Variants in NPY observed in about 807,000 individuals in gnomAD.
The protein encoded by NPY is pro-neuropeptide Y.
Under a neutral mutation model 13.2 loss-of-function variants are expected in NPY, and 11 were observed. That is an observed-to-expected ratio of 0.83 (90% CI 0.52 to 1.38). NPY has a LOEUF of 1.38. NPY is among the 40% of genes most tolerant of loss of function. NPY has a pLI of 0.00. For synonymous variants in NPY, 51 were observed against 55.6 expected (o/e 0.92, Z 0.37); for missense variants, 109 against 125.1 (o/e 0.87, Z 0.61).
chr7:24,284,680 G>A (rs1787287923), intron 1 of NPY, among the ~76,000 whole-genome samples: 4 of 152,102 alleles, frequency 2.6e-5, no homozygotes, highest in African/African-American at 9.7e-5. Context: ...AATCCCTGGA[G>A]CTCTAGAGCC....
chr7:24,287,346 C>T (rs1017600527), intron 2 of NPY, among the ~76,000 whole-genome samples: 3 of 152,164 alleles, frequency 2.0e-5, no homozygotes, highest in Non-Finnish European at 4.4e-5. Context: ...CCACCACAGA[C>T]ACCCACTCCT....
In NPY at chr7:24,285,461, G is replaced by A; in HGVS notation, c.188+33G>A. ...GGACCGCGGGACCGATTCCGGGAGC[G>A]CCAGTGCCTGCACACCAGGAGATCC... is the stretch of plus-strand genomic sequence containing the variant. On this transcript the variant is annotated intron_variant, in intron 2 of 3. Coordinates refer to ENST00000242152, the MANE Select transcript of NPY (RefSeq NM_000905.4). This position sits in a 1 kb window ranked among gnomAD's most constrained non-coding sequence, Gnocchi z 4.9. The A allele has an allele frequency of 1.9e-6, 3 of 1,593,678 alleles. No homozygotes were observed. The highest frequency in any genetic ancestry group is 2.2e-5 in the South Asian group (2 of 89,380).
At chr7:24,287,268 C>T (rs1272790000) in intron 2 of NPY, among the ~76,000 whole-genome samples, 2 of 152,124 alleles carry the variant, frequency 1.3e-5, no homozygotes, top group South Asian at 2.1e-4. Flanking sequence ...AGTTTCCTGT[C>T]TCATCTTTGT....
chr7:24,285,268 TC>T lies in NPY; in HGVS notation c.30del (p.Gly11AspfsTer2). MLGNKRLGLSGLTLALSLLV... is the reference protein window; with the variant it reads MLGNKRLGLXGLTLALSLLV... ...GCTAGGTAACAAGCGACTGGGGCTG[TC>T]CGGACTGACCCTCGCCCTGTCCCTG... is the stretch of plus-strand genomic sequence containing the variant. On this transcript the variant is annotated frameshift_variant, in exon 2 of 4. Coordinates refer to ENST00000242152, the MANE Select transcript of NPY (RefSeq NM_000905.4). LOFTEE classifies it high-confidence loss of function. This position sits in a 1 kb window ranked among gnomAD's most constrained non-coding sequence, Gnocchi z 4.9. The T allele has an allele frequency of 6.2e-7, 1 of 1,614,084 alleles. No homozygotes were observed. Among genetic ancestry groups the T allele is most frequent in the Non-Finnish European group, 8.5e-7 (1 of 1,179,978 alleles).
chr7:24,288,618 A>C (rs182872412), intron 2 of NPY, among the ~76,000 whole-genome samples: 3 of 150,036 alleles, frequency 2.0e-5, no homozygotes, highest in Admixed American at 1.4e-4. Context: ...AGTGGGGAGC[A>C]TATACTACCC....
intron 1 of NPY, among the ~76,000 whole-genome samples, chr7:24,284,560 C>A (rs959039996): frequency 6.6e-6 from 1 of 152,230 alleles, no homozygotes; most frequent in African/African-American, 2.4e-5. Flanking sequence ...GAGGGAGAAC[C>A]CGGGACCGCT....
At chr7:24,290,539 C>T (rs1362590531) in intron 3 of NPY, among the ~76,000 whole-genome samples, 1 of 151,988 alleles carries the variant, frequency 6.6e-6, no homozygotes, top group African/African-American at 2.4e-5. Flanking sequence ...GCTGGGCCAC[C>T]CACCTTCCCT....
intron 3 of NPY, among the ~76,000 whole-genome samples, chr7:24,291,380 T>C (rs940317668): frequency 2.0e-5 from 3 of 152,232 alleles, no homozygotes; most frequent in Non-Finnish European, 2.9e-5. Context: ...GATCGGGGTG[T>C]TCTTCGGCTC....
chr7:24,291,700 C>A lies in NPY; in HGVS notation c.*13C>A, dbSNP rs1347544751. 6.8e-6 allele frequency: 11 copies of A among 1,614,006 alleles called. 1 individual carries two copies. In the East Asian group the frequency reaches 2.4e-4, roughly 36 times the overall value. On this transcript the variant is annotated 3_prime_UTR_variant, in exon 4 of 4. Transcript: ENST00000242152. Reference sequence around the variant, plus strand: ...TGCAATGTGGTGATGGGAAATGAGACTTGCTCTCTGGCCTTTTCCTATTTT... The same window carrying A: ...TGCAATGTGGTGATGGGAAATGAGAATTGCTCTCTGGCCTTTTCCTATTTT...
chr7:24,285,113 TG>T lies in NPY; in HGVS notation c.1-125del. On this transcript the variant is annotated intron_variant, in intron 1 of 3. Coordinates refer to ENST00000242152, the MANE Select transcript of NPY (RefSeq NM_000905.4). The surrounding 1 kb of genome is among the most constrained non-coding windows in gnomAD (Gnocchi z 4.9). ...CACTCCTGGGTTCTCTCTGCGGGAC[TG>T]GGACGAGAGCGGATTGGGGGTCGCG... is the stretch of plus-strand genomic sequence containing the variant. 3 of 989,756 alleles carry T rather than the reference TG, an allele frequency of 3.0e-6. No individual in the cohort carries two copies. The highest frequency in any genetic ancestry group is 4.7e-6 in the Non-Finnish European group (3 of 641,064). 61.3% of individuals were successfully genotyped at this position (989,756 alleles called of 1,614,324 possible). A position where few individuals can be genotyped will look rare whatever the true frequency, so the allele number is the denominator to read the frequency against.
In NPY at chr7:24,291,784, A is replaced by C; in HGVS notation, c.*97A>C. ...ACCCATCCTACCAATGCATGCAGCC[A>C]CTGTGCTGAATTCTGCAATGTTTTC... On this transcript the variant is annotated 3_prime_UTR_variant, in exon 4 of 4. Coordinates refer to ENST00000242152, the MANE Select transcript of NPY (RefSeq NM_000905.4). The C allele has an allele frequency of 7.4e-7, 1 of 1,347,832 alleles. No homozygotes were observed. The highest frequency in any genetic ancestry group is 1.1e-6 in the Non-Finnish European group (1 of 940,552). The allele number at this position is 1,347,832 out of a possible 1,614,324, so 83.5% of individuals were successfully genotyped here.
In NPY at chr7:24,284,267, C is replaced by T; in HGVS notation, c.-9C>T. ...CTTGCCGCCCAGCCACGCCCGCGCG[C>T]CAGCCACCGTGAGTGCTACGACCCG... On this transcript the variant is annotated 5_prime_UTR_variant, in exon 1 of 4. Transcript: ENST00000242152. 1 of 153,060 alleles carries T rather than the reference C, an allele frequency of 6.5e-6. No individual in the cohort carries two copies. 9.5% of individuals were successfully genotyped at this position (153,060 alleles called of 1,614,324 possible).
At position 24,289,574 on chromosome 7, in the gene NPY, A is replaced by G. The variant is rs765010283; in HGVS notation, c.264A>G (p.Arg88=). The G allele has an allele frequency of 1.2e-6, 2 of 1,609,548 alleles. No homozygotes were observed. The highest frequency in any genetic ancestry group is 3.4e-5 in the Admixed American group (2 of 59,464). ...GAGAAAGCACAGAAAATGTTCCCAG[A>G]ACTCGGTATGACAAGGCTTGTGATG... The part of the protein sequence containing the change: ...LMRESTENVP[R]TRLEDPAMW Residue 88 remains arginine, a synonymous_variant, in exon 3 of 4, where the codon AGA becomes AGG. Coordinates refer to ENST00000242152, the MANE Select transcript of NPY (RefSeq NM_000905.4).
rs903615861 is a variant in NPY at position 24,285,345 on chromosome 7, C to G, written c.105C>G (p.Asn35Lys). 1 of 1,614,074 alleles carries G rather than the reference C, an allele frequency of 6.2e-7. No homozygotes were observed. The highest frequency in any genetic ancestry group is 8.5e-7 in the Non-Finnish European group (1 of 1,180,026). The change falls in exon 2 of 4, where the codon AAC becomes AAG. Residue 35 changes from asparagine to lysine, a missense_variant. By Grantham distance (94) the Asn-to-Lys change is moderately conservative. Coordinates refer to ENST00000242152, the MANE Select transcript of NPY (RefSeq NM_000905.4). This position sits in a 1 kb window ranked among gnomAD's most constrained non-coding sequence, Gnocchi z 4.9. ...AGGCGTACCCCTCCAAGCCGGACAA[C>G]CCGGGCGAGGACGCACCAGCGGAGG... The part of the protein sequence containing the change: ...LAEAYPSKPD[N>K]PGEDAPAEDM...
rs59946765 is a variant in NPY, at chr7:24,288,687, GAAAAAAA to G, written c.189-796_189-790del. On this transcript the variant is annotated intron_variant, in intron 2 of 3. Coordinates refer to ENST00000242152, the MANE Select transcript of NPY (RefSeq NM_000905.4). ...GTCTCACCCATATCCTGCTACAGGA[GAAAAAAA>G]AAAAAAAAAAAAAAAGAACATTTCC... 2.9e-4 allele frequency among the ~76,000 whole-genome samples: 26 copies of G among 89,042 alleles called. No individual in the cohort carries two copies. The East Asian group carries it at 6.9e-3, about 24-fold the overall frequency. 58.4% of individuals were successfully genotyped at this position (89,042 alleles called of 152,430 possible).
intron 2 of NPY, among the ~76,000 whole-genome samples, chr7:24,287,967 T>C (rs1000676839): frequency 8.5e-5 from 13 of 152,188 alleles, no homozygotes; most frequent in African/African-American, 3.1e-4. Flanking sequence ...CAGCCAGGTT[T>C]GAGAATCTTT....
At position 24,285,552 on chromosome 7, in the gene NPY, G is replaced by A. The variant is rs952104659; in HGVS notation, c.188+124G>A. 6 of 978,412 alleles carry A rather than the reference G, an allele frequency of 6.1e-6. No individual in the cohort carries two copies. Among genetic ancestry groups the A allele is most frequent in the African/African-American group, 3.2e-5 (2 of 61,724 alleles). The allele number at this position is 978,412 out of a possible 1,614,324, so 60.6% of individuals were successfully genotyped here. ...CTATCCCAGGGCAGGACAGTATCAG[G>A]CACTTAGTCAGCTCTAGGTAAATGT... On this transcript the variant is annotated intron_variant, in intron 2 of 3. Transcript: ENST00000242152. This position sits in a 1 kb window ranked among gnomAD's most constrained non-coding sequence, Gnocchi z 4.9.
rs1413956267 is a variant in NPY, at chr7:24,285,264, G to A, written c.24G>A (p.Gly8=). The change falls in exon 2 of 4, where the codon GGG becomes GGA. Residue 8 remains glycine (G), a synonymous_variant. Transcript: ENST00000242152. The surrounding 1 kb of genome is among the most constrained non-coding windows in gnomAD (Gnocchi z 4.9). ...AGATGCTAGGTAACAAGCGACTGGG[G>A]CTGTCCGGACTGACCCTCGCCCTGT... is the stretch of plus-strand genomic sequence containing the variant. MLGNKRL[G]LSGLTLALSL... 6.2e-7 allele frequency: 1 copy of A among 1,614,074 alleles called. No homozygotes were observed. The highest frequency in any genetic ancestry group is 8.5e-7 in the Non-Finnish European group (1 of 1,180,000).
intron 2 of NPY, among the ~76,000 whole-genome samples, chr7:24,287,988 C>T (rs1367119638): frequency 6.6e-6 from 1 of 152,128 alleles, no homozygotes; most frequent in Non-Finnish European, 1.5e-5. Context: ...ACTCTAAGGA[C>T]TCAATCTTTG....
Sources: gnomAD v4.1 joint callset for allele counts (sites outside exome capture counted in the v4.1 genomes callset) on GRCh38, gnomAD v4.1.1 for gene constraint, Gnocchi (gnomAD v3.1) non-coding constraint, MANE v1.5 for transcripts, NCBI Gene and HGNC (gene_info 2026-07-23, HGNC 2026-07-21) for gene names.